Variants in FANCM observed in about 807,000 individuals in gnomAD.
FANCM encodes FA complementation group M, also known as Fanconi anemia group M protein.
In FANCM, 140 loss-of-function variants were observed where a neutral mutation model predicts 199.5. The observed-to-expected ratio is 0.70, with a 90% CI of 0.61 to 0.81. The LOEUF is 0.81. Among genes scored for constraint, FANCM ranks in the 30% least tolerant of loss-of-function variants. The probability of loss-of-function intolerance (pLI) is 0.00; values close to 1 mark genes in which losing one functional copy is unlikely to be tolerated. For synonymous variants in FANCM, 840 were observed against 836.8 expected (o/e 1.00, Z -0.07); for missense variants, 2,410 against 2,421.4 (o/e 1.00, Z 0.10).
At position 45,167,008 on chromosome 14, in the gene FANCM, G is replaced by C. The variant is rs2139214385; in HGVS notation, c.1847G>C (p.Arg616Thr). 2 of 1,610,664 alleles carry C rather than the reference G, an allele frequency of 1.2e-6. No individual in the cohort carries two copies. The highest frequency in any genetic ancestry group is 1.7e-6 in the Non-Finnish European group (2 of 1,176,908). Residue 616 changes from arginine to threonine, a missense_variant, in exon 11 of 23, where the codon AGG (arginine) becomes ACG (threonine). Arg to Thr is a moderately conservative substitution (Grantham distance 71). Coordinates refer to ENST00000267430, the MANE Select transcript of FANCM (RefSeq NM_020937.4). The stretch of plus-strand genomic sequence containing the variant: ...ATATATAAAGCTATTTCAAGTAACA[G>C]GCAGGTCCTTCATTTTTACCAAAGA... ...RSIYKAISSN[R>T]QVLHFYQRSP...
rs1474350034 is a variant in FANCM, at chr14:45,176,949, C to T, written c.4195C>T (p.Leu1399=). Residue 1399 remains leucine (L), a synonymous_variant, in exon 14 of 23, where the codon CTG becomes TTG. Transcript: ENST00000267430. ...GTCTAAAAGCAGTGGTCCAATGTAT[C>T]TGCATAAATCCTGTCATTCTGTTGA... ...EKSKSSGPMY[L]HKSCHSVEDG... 1 of 1,601,162 alleles carries T rather than the reference C, an allele frequency of 6.2e-7. No homozygotes were observed. The highest frequency in any genetic ancestry group is 2.2e-5 in the East Asian group (1 of 44,662).
chr14:45,195,038 C>T (rs139381705), intron 20 of FANCM, among the ~76,000 whole-genome samples: 13 of 152,216 alleles, frequency 8.5e-5, no homozygotes, highest in Admixed American at 3.3e-4. Context: ...TGTGAGCCAC[C>T]GCTGTATCAT....
At chr14:45,136,690 T>C in intron 1 of FANCM, 151 bp downstream of exon 1, 1 of 763,410 alleles carries the variant, frequency 1.3e-6, no homozygotes, top group Non-Finnish European at 2.2e-6. Flanking sequence ...TAGGGTTGCT[T>C]TATTCAATCT....
chr14:45,181,296 A>G (rs564863091), intron 14 of FANCM, 134 bp from the exon 15 acceptor site: 5 of 614,556 alleles, frequency 8.1e-6, no homozygotes, highest in East Asian at 2.8e-5. Context: ...CTCCAAGACT[A>G]TCTTTTTTTG....
intron 8 of FANCM, among the ~76,000 whole-genome samples, chr14:45,157,498 G>A (rs971169523): frequency 2.0e-5 from 3 of 152,174 alleles, no homozygotes; most frequent in African/African-American, 4.8e-5. Flanking sequence ...ATTTCAGAAG[G>A]AAAGAGGAAA....
At chr14:45,144,307 C>A (rs1385652260) in intron 3 of FANCM, among the ~76,000 whole-genome samples, 1 of 149,562 alleles carries the variant, frequency 6.7e-6, no homozygotes, top group African/African-American at 2.5e-5. Context: ...TGTAGTGTCC[C>A]CTCCACCCCC....
At chr14:45,182,290 C>T (rs752161357) in intron 16 of FANCM, among the ~76,000 whole-genome samples, 15 of 152,034 alleles carry the variant, frequency 9.9e-5, no homozygotes, top group Non-Finnish European at 1.8e-4. Flanking sequence ...AAGTGAGAAA[C>T]GGCATCTCTA....
chr14:45,146,151 G>T (rs1160985676), intron 3 of FANCM, among the ~76,000 whole-genome samples: 1 of 148,384 alleles, frequency 6.7e-6, no homozygotes, highest in Admixed American at 6.8e-5. Context: ...TGAGGCAGGA[G>T]AATGGCGTGA....
chr14:45,156,916 CAAAAAA>C (rs535786477), intron 8 of FANCM, among the ~76,000 whole-genome samples: 1 of 47,810 alleles, frequency 2.1e-5, no homozygotes, highest in African/African-American at 7.0e-5. Context: ...GACTCTGTCT[CAAAAAA>C]AAAAAAAAAA....
At chr14:45,141,479 C>T (rs1473422397) in intron 3 of FANCM, among the ~76,000 whole-genome samples, 5 of 130,682 alleles carry the variant, frequency 3.8e-5, no homozygotes, top group South Asian at 2.6e-4. Flanking sequence ...CTCCCCTCCC[C>T]TCCCCTCCCC....
chr14:45,187,995 T>C, intron 19 of FANCM, 108 bp downstream of exon 19: 2 of 695,978 alleles, frequency 2.9e-6, no homozygotes, highest in Admixed American at 2.2e-5. Flanking sequence ...TCAGAGCTAT[T>C]TGAGATCATT....
At chr14:45,155,819 C>G (rs1007876475) in intron 8 of FANCM, among the ~76,000 whole-genome samples, 4 of 152,176 alleles carry the variant, frequency 2.6e-5, no homozygotes, top group Admixed American at 2.6e-4. Context: ...GAAAATAAAA[C>G]AAACAAAGAA....
Position 45,176,189 on chromosome 14 carries a change from C to T in FANCM, c.3435C>T (p.Asp1145=), listed in dbSNP as rs760913813. 61 of 1,614,024 alleles carry T rather than the reference C, an allele frequency of 3.8e-5. No individual in the cohort carries two copies. The highest frequency in any genetic ancestry group is 8.9e-5 in the East Asian group (4 of 44,858). ...LLFEDVNTEF[D]DVSLSPLNSK... Reference sequence around the variant, plus strand: ...TTGAAGATGTTAATACAGAGTTCGACGATGTGAGTCTTTCACCCTTGAACA... The same window carrying T: ...TTGAAGATGTTAATACAGAGTTCGATGATGTGAGTCTTTCACCCTTGAACA... Residue 1145 remains aspartate (D), a synonymous_variant, in exon 14 of 23, where the codon GAC becomes GAT. Coordinates refer to ENST00000267430, the MANE Select transcript of FANCM (RefSeq NM_020937.4).
chr14:45,147,787 A>G (rs1886514171), intron 3 of FANCM, among the ~76,000 whole-genome samples: 1 of 151,730 alleles, frequency 6.6e-6, no homozygotes, highest in Non-Finnish European at 1.5e-5. Flanking sequence ...CAGCTATTCA[A>G]GAGGCTGAGG....
intron 5 of FANCM, 41 bp downstream of exon 5, chr14:45,151,569 T>G (rs1375639656): frequency 1.3e-6 from 2 of 1,564,848 alleles, no homozygotes; most frequent in Non-Finnish European, 1.8e-6. Context: ...GATTAAATTT[T>G]CACTGAAAGC....
At chr14:45,155,311 A>T (rs898429192) in intron 7 of FANCM, 62 bp from the exon 8 acceptor site, 10 of 726,032 alleles carry the variant, frequency 1.4e-5, no homozygotes, top group Non-Finnish European at 2.2e-5. Context: ...TTTCATATAC[A>T]TTAGTGTAAT....
rs547314329 is a variant in FANCM at position 45,144,805 on chromosome 14, C to T, written c.760-4032C>T. Among the ~76,000 whole-genome samples the T allele has an allele frequency of 1.3e-5, 2 of 152,256 alleles. 1 individual carries two copies. Among genetic ancestry groups the T allele is most frequent in the South Asian group, 4.1e-4 (2 of 4,832 alleles). ...AAGAGTCAAGGCCTGGAATCAGGTC[C>T]CCAAGAGCCCATTTGTTGCCCTTCC... On this transcript the variant is annotated intron_variant, in intron 3 of 22. Transcript: ENST00000267430.
intron 11 of FANCM, among the ~76,000 whole-genome samples, chr14:45,168,874 C>T (rs1888154916): frequency 6.7e-6 from 1 of 148,304 alleles, no homozygotes; most frequent in South Asian, 2.1e-4. Context: ...ATATTATATA[C>T]ACTAGTATGT....
Position 45,175,155 on chromosome 14 carries a change from T to C in FANCM, c.2401T>C (p.Ser801Pro), listed in dbSNP as rs1566761579. ...AACATTTATTGCTCCCAGGAATGAA[T>C]CTAATAATCTTGCCAGTGACACCTT... is the stretch of plus-strand genomic sequence containing the variant. Reference protein sequence around the residue: ...TSTFIAPRNESNNLASDTFIT... With the variant: ...TSTFIAPRNEPNNLASDTFIT... The change falls in exon 14 of 23, where the codon TCT (serine) becomes CCT (proline). Residue 801 changes from serine to proline, a missense_variant. Physicochemically the swap from Ser to Pro is moderately conservative, Grantham distance 74. Coordinates refer to ENST00000267430, the MANE Select transcript of FANCM (RefSeq NM_020937.4). 1 of 1,611,770 alleles carries C rather than the reference T, an allele frequency of 6.2e-7. No homozygotes were observed.
Sources: gnomAD v4.1 joint callset for allele counts (sites outside exome capture counted in the v4.1 genomes callset) on GRCh38, gnomAD v4.1.1 for gene constraint, MANE v1.5 for transcripts, NCBI Gene and HGNC (gene_info 2026-07-23, HGNC 2026-07-21) for gene names.